The following DNAH5 variants were observed in gnomAD, a reference collection of about 807,000 sequenced individuals.
DNAH5 encodes the protein axonemal beta dynein heavy chain 5.
Under a neutral mutation model 518.2 loss-of-function variants are expected in DNAH5, and 372 were observed. That is an observed-to-expected ratio of 0.72 (90% confidence interval 0.66 to 0.78). DNAH5 has a LOEUF of 0.78. DNAH5 is among the 30% of genes least tolerant of loss of function. The pLI is 0.00. For synonymous variants in DNAH5, 2,039 were observed against 2,025.9 expected, an observed-to-expected ratio of 1.01 and a Z score of -0.17; for missense variants, 5,523 against 5,687.0, an observed-to-expected ratio of 0.97 and a Z score of 0.93.
chr5:13,911,120 A>G (rs1308972628), intron 12 of DNAH5, among the ~76,000 whole-genome samples: 1 of 152,228 alleles, frequency 6.6e-6, no homozygotes, highest in Non-Finnish European at 1.5e-5. Context: ...ACAGAAGATG[A>G]AAGTTAACTT....
chr5:13,920,712 G>T, intron 5 of DNAH5, 95 bp from the exon 6 acceptor site: 1 of 1,380,814 alleles, frequency 7.2e-7, no homozygotes, highest in Non-Finnish European at 1.0e-6. Context: ...CTCTGACAGC[G>T]CTCTGGAAAG....
intron 75 of DNAH5, among the ~76,000 whole-genome samples, chr5:13,711,650 G>A (rs1258863902): frequency 1.3e-5 from 2 of 152,160 alleles, no homozygotes; most frequent in African/African-American, 2.4e-5. Context: ...TCTTGGAACT[G>A]ATACAAGAAA....
intron 5 of DNAH5, 75 bp downstream of exon 5, chr5:13,922,032 G>A: frequency 1.4e-6 from 2 of 1,474,734 alleles, no homozygotes; most frequent in Non-Finnish European, 1.9e-6. Context: ...CCATCTAAGA[G>A]AAGCATTACA....
chr5:13,835,357 T>C (rs1764231453), intron 35 of DNAH5, among the ~76,000 whole-genome samples: 2 of 152,044 alleles, frequency 1.3e-5, no homozygotes, highest in Non-Finnish European at 2.9e-5. Context: ...CGGTAAGGTT[T>C]GTTTCTTTTA....
At chr5:13,845,212 G>A (rs544852661) in intron 31 of DNAH5, among the ~76,000 whole-genome samples, 1 of 152,012 alleles carries the variant, frequency 6.6e-6, no homozygotes, top group South Asian at 2.1e-4. Flanking sequence ...CCCAAAATTG[G>A]TGGCAGAATT....
In DNAH5 at chr5:13,792,112, G is replaced by C; in HGVS notation, c.8330C>G (p.Thr2777Ser). 6.2e-7 allele frequency: 1 copy of C among 1,613,856 alleles called. No individual in the cohort carries two copies. Among genetic ancestry groups the C allele is most frequent in the Non-Finnish European group, 8.5e-7 (1 of 1,179,958 alleles). The change falls in exon 50 of 79, where the codon ACC (threonine) becomes AGC (serine). Residue 2777 changes from threonine to serine, a missense_variant. Thr to Ser is a moderately conservative substitution (Grantham distance 58). Around this residue, in one of 3 missense-constraint regions of DNAH5, gnomAD observed 5,121 missense variants for 5,223.3 expected, o/e 0.98. Coordinates refer to ENST00000265104, the MANE Select transcript of DNAH5 (RefSeq NM_001369.3). Reference protein sequence around the residue: ...VPLTRRLWQMTKIKMLPTPAK... With the variant: ...VPLTRRLWQMSKIKMLPTPAK... ...AGGGGTAGGAAGCATTTTAATCTTG[G>C]TCATCTGCCATAGTCGGCGTGTCAG... is the stretch of plus-strand genomic sequence containing the variant.
At chr5:13,902,391 G>T (rs936130513) in intron 12 of DNAH5, among the ~76,000 whole-genome samples, 2 of 152,190 alleles carry the variant, frequency 1.3e-5, no homozygotes, top group Non-Finnish European at 2.9e-5. Context: ...GAGCCTGGGG[G>T]GTGGCACTGG....
At chr5:13,987,731 A>G (rs168130) in intron 1 of DNAH5, among the ~76,000 whole-genome samples, 116,181 of 151,782 alleles carry the variant, frequency 0.77, 44,787 homozygotes, top group East Asian at 0.99. Flanking sequence ...GCGCACGCCT[A>G]TAGTCCCAGC....
At chr5:13,783,465 A>G (rs1451495044) in intron 52 of DNAH5, among the ~76,000 whole-genome samples, 1 of 152,152 alleles carries the variant, frequency 6.6e-6, no homozygotes, top group Non-Finnish European at 1.5e-5. Context: ...AACTTTCCAC[A>G]AGGTAGTATA....
rs1435630372 is a variant in DNAH5 at position 13,951,657 on chromosome 5, G to A, written c.13-20413C>T. On this transcript the variant is annotated intron_variant, in intron 1 of 78. Transcript: ENST00000681290. ...AAGACATCAAGCAGCAGTTAACAAC[G>A]GGGAGAAACTCACCAGCCTGCACCC... is the stretch of plus-strand genomic sequence containing the variant. Among the ~76,000 whole-genome samples, 7 of 152,164 alleles carry A rather than the reference G, an allele frequency of 4.6e-5. No homozygotes were observed. The South Asian group carries it at 6.2e-4, about 14-fold the overall frequency.
intron 61 of DNAH5, among the ~76,000 whole-genome samples, chr5:13,757,089 C>T (rs766885940): frequency 3.9e-5 from 6 of 152,152 alleles, no homozygotes; most frequent in African/African-American, 9.7e-5. Context: ...ACCACATTTT[C>T]TTTATCCAGT....
At chr5:13,869,337 C>T (rs1416686868) in intron 24 of DNAH5, among the ~76,000 whole-genome samples, 1 of 151,212 alleles carries the variant, frequency 6.6e-6, no homozygotes, top group Non-Finnish European at 1.5e-5. Flanking sequence ...TTTTTTAATG[C>T]TACAATTAAA....
intron 1 of DNAH5, among the ~76,000 whole-genome samples, chr5:14,001,093 G>A (rs111274809): frequency 0.046 from 6,952 of 152,116 alleles, 509 homozygotes; most frequent in African/African-American, 0.16. Flanking sequence ...TTAAACACTG[G>A]GTACACATGA....
In DNAH5 at chr5:13,727,434, A is replaced by AT. The variant is rs576270111; in HGVS notation, c.12033+72dup. The AT allele has an allele frequency of 6.9e-4, 948 of 1,383,524 alleles. 1 individual carries two copies. The African/African-American group carries it at 8.2e-3, about 12-fold the overall frequency. 85.7% of individuals were successfully genotyped at this position (1,383,524 alleles called of 1,614,324 possible). A position where few individuals can be genotyped will look rare whatever the true frequency, so the allele number is the denominator to read the frequency against. On this transcript the variant is annotated intron_variant, in intron 70 of 78. Transcript: ENST00000265104. The stretch of plus-strand genomic sequence containing the variant: ...TCTCACTGGAATTCACATTTAAAAT[A>AT]TTTTTTTTAATTTAAAAGAAAATTC...
chr5:13,964,797 G>A (rs1216251585), intron 1 of DNAH5, among the ~76,000 whole-genome samples: 2 of 152,202 alleles, frequency 1.3e-5, no homozygotes, highest in African/African-American at 4.8e-5. Flanking sequence ...ATCTGAAGTA[G>A]GATCAGGAAT....
chr5:13,925,987 G>A (rs1454051028), intron 3 of DNAH5, among the ~76,000 whole-genome samples: 3 of 152,144 alleles, frequency 2.0e-5, no homozygotes, highest in African/African-American at 7.2e-5. Flanking sequence ...CTTGATTTAT[G>A]TCTCCTGGAG....
chr5:13,962,564 C>G (rs779094369), intron 1 of DNAH5, among the ~76,000 whole-genome samples: 1 of 152,194 alleles, frequency 6.6e-6, no homozygotes, highest in East Asian at 1.9e-4. Flanking sequence ...TTAGAGAAGA[C>G]AGACTTCAGT....
intron 60 of DNAH5, among the ~76,000 whole-genome samples, chr5:13,760,721 A>G (rs1360999150): frequency 1.3e-5 from 2 of 152,206 alleles, no homozygotes; most frequent in African/African-American, 4.8e-5. Context: ...TCCATTACTA[A>G]TTAGTGTCTA....
rs1415381787 is a variant in DNAH5, at chr5:13,766,039, G to C, written c.10038C>G (p.Thr3346=). 6.2e-7 allele frequency: 1 copy of C among 1,614,204 alleles called. No individual in the cohort carries two copies. The highest frequency in any genetic ancestry group is 2.2e-5 in the East Asian group (1 of 44,890). The change falls in exon 59 of 79, where the codon ACC becomes ACG. Residue 3346 remains threonine (T), a synonymous_variant. Transcript: ENST00000265104. ...TTAAGGATTCCTGCCAGGAGGGCAT[G>C]GTACAGCTTTTTTCCAGGTCAATTT... ...AVKIDLEKSC[T]MPSWQESLKL... is the part of the protein sequence containing the mutation.
Sources: gnomAD v4.1 joint callset for allele counts (sites outside exome capture counted in the v4.1 genomes callset) on GRCh38, gnomAD v4.1.1 for gene constraint, gnomAD v4.1.1 regional missense constraint, MANE v1.5 for transcripts, NCBI Gene and HGNC (gene_info 2026-07-23, HGNC 2026-07-21) for gene names.